SH3KBP1: variants seen among roughly 807,000 people sequenced by gnomAD.
The protein encoded by SH3KBP1 is SH3 domain containing kinase binding protein 1.
A neutral mutation model predicts 50.1 loss-of-function variants in SH3KBP1; 8 were observed. The observed-to-expected ratio is 0.16, with a 90% confidence interval of 0.09 to 0.29. The LOEUF (loss-of-function observed/expected upper bound fraction) is 0.29, where lower values mean the gene tolerates loss of function less well. SH3KBP1 is among the 10% of genes least tolerant of loss of function. The probability of loss-of-function intolerance (pLI) is 1.00; values close to 1 mark genes in which losing one functional copy is unlikely to be tolerated. For synonymous variants in SH3KBP1, 227 were observed against 218.6 expected (o/e 1.04, Z -0.34); for missense variants, 377 against 535.2 (o/e 0.70, Z 2.92).
intron 12 of SH3KBP1, among the ~76,000 whole-genome samples, chrX:19,584,244 GTATA>G (rs1294187336): frequency 2.4e-5 from 2 of 83,355 alleles, no homozygotes; most frequent in Non-Finnish European, 4.4e-5. Context: ...ATAAATATAT[GTATA>G]TAAATATACA....
intron 6 of SH3KBP1, chrX:19,670,853 A>AAAAAAAAAAAAAAAAAAAAC: frequency 1.7e-6 from 2 of 1,146,365 alleles, no homozygotes; most frequent in Non-Finnish European, 2.3e-6. Flanking sequence ...AAAAAAAAAA[A>AAAAAAAAAAAAAAAAAAAAC]AGAAATACCT....
At chrX:19,610,479 A>G (rs140283212) in intron 8 of SH3KBP1, among the ~76,000 whole-genome samples, 9 of 112,221 alleles carry the variant, frequency 8.0e-5, no homozygotes, top group Non-Finnish European at 1.3e-4. Flanking sequence ...CCTTTAAGAA[A>G]CTGACTATGA....
chrX:19,835,098 T>C (rs755261852), intron 2 of SH3KBP1, among the ~76,000 whole-genome samples: 1 of 110,487 alleles, frequency 9.1e-6, no homozygotes, highest in Admixed American at 9.7e-5. Context: ...ATAATTTGAA[T>C]TCTATATTCA....
rs2065034307 is a variant in SH3KBP1, at chrX:19,750,478, C to CAGA, written c.163-4040_163-4038dup. Among the ~76,000 whole-genome samples, 3 of 112,539 alleles carry CAGA rather than the reference C, an allele frequency of 2.7e-5. No individual in the cohort carries two copies. The East Asian group carries it at 8.3e-4, about 31-fold the overall frequency. On this transcript the variant is annotated intron_variant, in intron 2 of 17. Transcript: ENST00000397821. ...CGTCTGTTGTTCTTGTCAGTCCCTA[C>CAGA]AGAAATCTCCAGTTACTTCCAAAAG...
At chrX:19,629,457 G>T (rs943565081) in intron 8 of SH3KBP1, among the ~76,000 whole-genome samples, 7 of 111,940 alleles carry the variant, frequency 6.3e-5, no homozygotes, top group Admixed American at 5.6e-4. Context: ...ACACTGGAGT[G>T]GGGGGAAACA....
chrX:19,723,970 CCTAT>C (rs2064145715), intron 3 of SH3KBP1, among the ~76,000 whole-genome samples: 1 of 111,363 alleles, frequency 9.0e-6, no homozygotes, highest in South Asian at 3.8e-4. Context: ...TAATGCACGT[CCTAT>C]CTATTTATTC....
At chrX:19,632,085 A>G (rs909071985) in intron 7 of SH3KBP1, 127 bp from the exon 8 acceptor site, 2 of 372,983 alleles carry the variant, frequency 5.4e-6, no homozygotes, top group Non-Finnish European at 9.0e-6. Flanking sequence ...TTACTGCTGC[A>G]TGAAGAAAGG....
chrX:19,661,750 C>CT (rs1215680063), intron 6 of SH3KBP1, among the ~76,000 whole-genome samples: 1 of 108,368 alleles, frequency 9.2e-6, no homozygotes, highest in Admixed American at 9.9e-5. Flanking sequence ...CCTCAGCCTC[C>CT]TGAGTAGCTG....
At chrX:19,808,971 T>C (rs1489770107) in intron 2 of SH3KBP1, among the ~76,000 whole-genome samples, 1 of 111,868 alleles carries the variant, frequency 8.9e-6, no homozygotes, top group African/African-American at 3.3e-5. Context: ...TTGATAGAAC[T>C]AGGTAGTGGG....
At chrX:19,607,207 G>A (rs1299710737) in intron 9 of SH3KBP1, among the ~76,000 whole-genome samples, 1 of 112,693 alleles carries the variant, frequency 8.9e-6, no homozygotes, top group Non-Finnish European at 1.9e-5. Context: ...GACATGAAGT[G>A]GGTTGAGGCT....
intron 3 of SH3KBP1, among the ~76,000 whole-genome samples, chrX:19,732,386 A>G (rs1405703332): frequency 9.1e-6 from 1 of 110,200 alleles, no homozygotes; most frequent in Non-Finnish European, 1.9e-5. Flanking sequence ...AAATCCACAC[A>G]TCCTTAAGTC....
chrX:19,685,336 A>G (rs2063140418), intron 5 of SH3KBP1, among the ~76,000 whole-genome samples: 1 of 112,702 alleles, frequency 8.9e-6, no homozygotes, highest in Admixed American at 9.4e-5. Context: ...CAAAATATAG[A>G]AAGGTCATTA....
At chrX:19,774,453 C>T (rs1038435603) in intron 2 of SH3KBP1, among the ~76,000 whole-genome samples, 1 of 109,787 alleles carries the variant, frequency 9.1e-6, no homozygotes, top group African/African-American at 3.3e-5. Context: ...GGGCGGATCA[C>T]GAGGTCAGGA....
intron 5 of SH3KBP1, 81 bp downstream of exon 5, chrX:19,695,531 G>A: frequency 1.8e-6 from 2 of 1,118,774 alleles, no homozygotes; most frequent in Non-Finnish European, 2.4e-6. Context: ...TCTCGGCATA[G>A]GATACAGAAC....
intron 1 of SH3KBP1, among the ~76,000 whole-genome samples, chrX:19,844,092 T>C (rs751881937): frequency 8.9e-6 from 1 of 111,805 alleles, no homozygotes; most frequent in East Asian, 2.8e-4. Context: ...GAAGGTGATC[T>C]GTGGCAAGGG....
chrX:19,762,467 G>C (rs931997985), intron 2 of SH3KBP1, among the ~76,000 whole-genome samples: 2 of 109,714 alleles, frequency 1.8e-5, no homozygotes, highest in Non-Finnish European at 3.8e-5. Context: ...TGGTAAACTG[G>C]CTCAACCAGT....
chrX:19,866,692 T>TAAAAA (rs11393561), intron 1 of SH3KBP1, among the ~76,000 whole-genome samples: 42 of 95,335 alleles, frequency 4.4e-4, no homozygotes, highest in African/African-American at 1.6e-3. Context: ...CCTGTCTCTT[T>TAAAAA]AAAAAAAAAA....
intron 12 of SH3KBP1, among the ~76,000 whole-genome samples, chrX:19,585,617 A>C (rs1480364977): frequency 9.0e-6 from 1 of 111,416 alleles, no homozygotes; most frequent in Admixed American, 9.5e-5. Context: ...CCAGGCAAGG[A>C]GGGGCGAGCA....
intron 6 of SH3KBP1, among the ~76,000 whole-genome samples, chrX:19,660,117 G>A (rs943861712): frequency 1.8e-5 from 2 of 112,611 alleles, no homozygotes; most frequent in African/African-American, 3.2e-5. Context: ...TCAGCACCTA[G>A]TGGTAAGACT....
Sources: gnomAD v4.1 joint callset for allele counts (sites outside exome capture counted in the v4.1 genomes callset) on GRCh38, gnomAD v4.1.1 for gene constraint, MANE v1.5 for transcripts, NCBI Gene and HGNC (gene_info 2026-07-23, HGNC 2026-07-21) for gene names.